The following TSHZ2 variants were observed in gnomAD, a reference collection of about 807,000 sequenced individuals.
TSHZ2 encodes the protein teashirt zinc finger homeobox 2.
In TSHZ2, 21 loss-of-function variants were observed where a neutral mutation model predicts 74.4. The ratio of observed to expected loss-of-function variants is 0.28; its 90% CI spans 0.20 to 0.41. TSHZ2 has a LOEUF of 0.41. Ranked by LOEUF, TSHZ2 falls within the 10% of genes least tolerant of loss-of-function variation. TSHZ2 has a pLI of 1.00. For missense variants in TSHZ2, 1,244 were observed against 1,293.5 expected, an observed-to-expected ratio of 0.96 and a Z score of 0.59; for synonymous variants, 540 against 515.3, an observed-to-expected ratio of 1.05 and a Z score of -0.65.
chr20:53,371,518 T>C (rs1399248294), intron 2 of TSHZ2, among the ~76,000 whole-genome samples: 1 of 152,128 alleles, frequency 6.6e-6, no homozygotes, highest in African/African-American at 2.4e-5. Flanking sequence ...ACACACTGGG[T>C]GACACAGGGC....
rs79669335 is a variant in TSHZ2, at chr20:53,161,052, T to C, written c.41-92447T>C. Among the ~76,000 whole-genome samples, 1,010 of 146,180 alleles carry C rather than the reference T, an allele frequency of 6.9e-3. 13 individuals carry two copies. The highest frequency in any genetic ancestry group is 0.026 in the African/African-American group (981 of 38,434). ...ATGTTTGGGGTTTTTTGTTTGTTTG[T>C]TTTCGAGAACATTGCTACTTGGTTC... On this transcript the variant is annotated intron_variant, in intron 1 of 2. Transcript: ENST00000371497.
intron 2 of TSHZ2, among the ~76,000 whole-genome samples, chr20:53,310,443 A>G (rs915748458): frequency 6.6e-6 from 1 of 152,200 alleles, no homozygotes; most frequent in Admixed American, 6.5e-5. Flanking sequence ...GCTTTAAACA[A>G]CATGTTTATT....
chr20:53,349,554 A>G (rs1325960591), intron 2 of TSHZ2, among the ~76,000 whole-genome samples: 1 of 151,004 alleles, frequency 6.6e-6, no homozygotes, highest in Non-Finnish European at 1.5e-5. Context: ...CTGGAGGCTG[A>G]GGCGGGAGGA....
At chr20:53,199,251 A>C (rs1041981583) in intron 1 of TSHZ2, among the ~76,000 whole-genome samples, 12 of 152,184 alleles carry the variant, frequency 7.9e-5, no homozygotes, top group African/African-American at 2.9e-4. Context: ...TAATCCCAGC[A>C]CTTTGGGAGG....
At chr20:53,111,628 A>G (rs1472913828) in intron 1 of TSHZ2, among the ~76,000 whole-genome samples, 2 of 152,198 alleles carry the variant, frequency 1.3e-5, no homozygotes, top group Non-Finnish European at 2.9e-5. Context: ...GACCTGGAAC[A>G]TTGGTGCAAA....
At chr20:53,408,705 C>T (rs1982935345) in intron 2 of TSHZ2, among the ~76,000 whole-genome samples, 1 of 152,198 alleles carries the variant, frequency 6.6e-6, no homozygotes, top group Non-Finnish European at 1.5e-5. Flanking sequence ...CCCAACCTGT[C>T]ATTACTGTTA....
intron 1 of TSHZ2, among the ~76,000 whole-genome samples, chr20:53,199,429 G>A (rs1404275027): frequency 6.6e-6 from 1 of 152,120 alleles, no homozygotes; most frequent in African/African-American, 2.4e-5. Context: ...AGCCAAGATT[G>A]TGCCACTATA....
At chr20:53,129,231 G>A (rs375784361) in intron 1 of TSHZ2, among the ~76,000 whole-genome samples, 11 of 151,940 alleles carry the variant, frequency 7.2e-5, no homozygotes, top group South Asian at 2.1e-4. Context: ...AGTTATTTGC[G>A]CACCATTTTC....
chr20:53,217,762 T>C (rs1433528412), intron 1 of TSHZ2, among the ~76,000 whole-genome samples: 1 of 152,216 alleles, frequency 6.6e-6, no homozygotes, highest in Non-Finnish European at 1.5e-5. Flanking sequence ...CTACATTTGA[T>C]CCACTGCCCC....
At chr20:53,028,469 G>A (rs375598465) in intron 1 of TSHZ2, among the ~76,000 whole-genome samples, 5 of 152,358 alleles carry the variant, frequency 3.3e-5, no homozygotes, top group South Asian at 2.1e-4. Context: ...TTGATGACTC[G>A]CTGCTCCTGT....
At chr20:53,291,284 C>T (rs1287203296) in intron 2 of TSHZ2, among the ~76,000 whole-genome samples, 10 of 151,964 alleles carry the variant, frequency 6.6e-5, no homozygotes. Context: ...CCAGCCCGGC[C>T]AACATGGTGA....
intron 1 of TSHZ2, among the ~76,000 whole-genome samples, chr20:53,099,256 A>C (rs1026145732): frequency 1.3e-5 from 2 of 152,230 alleles, no homozygotes; most frequent in Non-Finnish European, 2.9e-5. Flanking sequence ...ACAGAAGCTT[A>C]TCTGGAATGT....
intron 2 of TSHZ2, among the ~76,000 whole-genome samples, chr20:53,302,977 G>A (rs1035885826): frequency 6.6e-6 from 1 of 152,210 alleles, no homozygotes; most frequent in Non-Finnish European, 1.5e-5. Flanking sequence ...CAAAGGTGGT[G>A]AAAATAAGTA....
chr20:53,288,220 A>G (rs994958792), intron 2 of TSHZ2, among the ~76,000 whole-genome samples: 11 of 152,140 alleles, frequency 7.2e-5, no homozygotes, highest in African/African-American at 2.7e-4. Context: ...CCTAGCTAAC[A>G]TGGTAAAACC....
At chr20:53,002,789 C>T (rs972196350) in intron 1 of TSHZ2, among the ~76,000 whole-genome samples, 4 of 152,182 alleles carry the variant, frequency 2.6e-5, no homozygotes, top group African/African-American at 9.6e-5. Flanking sequence ...TTATCACATT[C>T]TCCAGGTACG....
chr20:53,209,292 T>G (rs1336207250), intron 1 of TSHZ2, among the ~76,000 whole-genome samples: 1 of 152,292 alleles, frequency 6.6e-6, no homozygotes, highest in East Asian at 1.9e-4. Context: ...TTCACCATGT[T>G]GGTCAGGCTG....
intron 1 of TSHZ2, among the ~76,000 whole-genome samples, chr20:53,015,989 G>T (rs535462723): frequency 1.2e-4 from 18 of 152,266 alleles, no homozygotes; most frequent in African/African-American, 3.8e-4. Context: ...AAATAATCAT[G>T]CCCTGCCTCT....
chr20:53,240,347 T>C (rs1031880614), intron 1 of TSHZ2, among the ~76,000 whole-genome samples: 10 of 152,088 alleles, frequency 6.6e-5, no homozygotes, highest in Non-Finnish European at 1.0e-4. Context: ...GCCACACTTA[T>C]TGGGAAGCAA....
At chr20:53,392,386 G>A (rs1355178699) in intron 2 of TSHZ2, among the ~76,000 whole-genome samples, 2 of 152,198 alleles carry the variant, frequency 1.3e-5, no homozygotes, top group Admixed American at 1.3e-4. Flanking sequence ...AGAGGTTGCA[G>A]TGAGCTGAGA....
Sources: gnomAD v4.1 joint callset for allele counts (sites outside exome capture counted in the v4.1 genomes callset) on GRCh38, gnomAD v4.1.1 for gene constraint, MANE v1.5 for transcripts, NCBI Gene and HGNC (gene_info 2026-07-23, HGNC 2026-07-21) for gene names.